Variants in MBD5 observed in about 807,000 individuals in gnomAD.
MBD5 encodes methyl-CpG-binding domain protein 5.
In MBD5, 13 loss-of-function variants were observed where a neutral mutation model predicts 117.3. That is an observed-to-expected ratio of 0.11 (90% CI 0.07 to 0.18). MBD5 has a LOEUF of 0.18. Among genes scored for constraint, MBD5 ranks in the 10% least tolerant of loss-of-function variants. The pLI, the probability that MBD5 is intolerant of heterozygous loss-of-function variation, is 1.00. For synonymous variants in MBD5, 727 were observed against 766.4 expected (o/e 0.95, Z 0.85); for missense variants, 1,879 against 2,093.8 (o/e 0.90, Z 2.00).
intron 1 of MBD5, among the ~76,000 whole-genome samples, chr2:148,022,474 A>G (rs955188335): frequency 6.6e-6 from 1 of 152,200 alleles, no homozygotes; most frequent in Non-Finnish European, 1.5e-5. Context: ...TATGATGAGA[A>G]TATTAGCTAT....
At chr2:148,321,305 A>T (rs949995593) in intron 3 of MBD5, among the ~76,000 whole-genome samples, 9 of 152,186 alleles carry the variant, frequency 5.9e-5, no homozygotes, top group African/African-American at 2.2e-4. Flanking sequence ...ATAGCTGATG[A>T]ACTAAAAAAA....
chr2:148,094,732 A>AT (rs1397155768), intron 1 of MBD5, among the ~76,000 whole-genome samples: 1 of 152,188 alleles, frequency 6.6e-6, no homozygotes, highest in Non-Finnish European at 1.5e-5. Context: ...TTAAAAACAA[A>AT]TCACAGTTAA....
At chr2:148,496,909 A>G (rs1681719289) in intron 11 of MBD5, among the ~76,000 whole-genome samples, 1 of 152,248 alleles carries the variant, frequency 6.6e-6, no homozygotes, top group Non-Finnish European at 1.5e-5. Flanking sequence ...GTTGGAAAAC[A>G]ATTAGGTTCA....
At position 148,363,729 on chromosome 2, in the gene MBD5, C is replaced by T. The variant is rs561414065; in HGVS notation, c.-557+21393C>T. Among the ~76,000 whole-genome samples, 19 of 151,188 alleles carry T rather than the reference C, an allele frequency of 1.3e-4. 1 individual carries two copies. The highest frequency in any genetic ancestry group is 1.0e-3 in the South Asian group (5 of 4,798). On this transcript the variant is annotated intron_variant, in intron 4 of 13. Coordinates refer to ENST00000642680, the MANE Select transcript of MBD5 (RefSeq NM_001378120.1). ...AGTATCAATAGCTGAATCAATCAAG[C>T]GGAAAAAAGGATATCAGAGATTGAA... is the stretch of plus-strand genomic sequence containing the variant.
At chr2:148,159,304 TTTGTTGTTG>T (rs529416379) in intron 1 of MBD5, among the ~76,000 whole-genome samples, 3 of 151,896 alleles carry the variant, frequency 2.0e-5, no homozygotes, top group Non-Finnish European at 2.9e-5. Context: ...TTATACTTGT[TTTGTTGTTG>T]TTGTTGTTGT....
intron 3 of MBD5, among the ~76,000 whole-genome samples, chr2:148,234,584 C>G (rs1322084495): frequency 1.3e-5 from 2 of 152,146 alleles, no homozygotes. Flanking sequence ...TATTATTATG[C>G]AGTCAACAGA....
At chr2:148,065,462 C>A (rs1274150064) in intron 1 of MBD5, among the ~76,000 whole-genome samples, 1 of 152,268 alleles carries the variant, frequency 6.6e-6, no homozygotes, top group East Asian at 1.9e-4. Flanking sequence ...TGTGAGCATG[C>A]TCTGTTGTGT....
chr2:148,309,344 T>C (rs1701971655), intron 3 of MBD5, among the ~76,000 whole-genome samples: 1 of 152,342 alleles, frequency 6.6e-6, no homozygotes, highest in East Asian at 1.9e-4. Context: ...CAGTGGTTTG[T>C]AATTCTCCCT....
rs182260414 is a variant in MBD5 at position 148,132,197 on chromosome 2, A to G, written c.-924-46503A>G. Among the ~76,000 whole-genome samples the G allele has an allele frequency of 8.8e-4, 134 of 152,144 alleles. 1 individual carries two copies. Among genetic ancestry groups the G allele is most frequent in the African/African-American group, 2.5e-3 (102 of 41,536 alleles). ...AAGTGTTTAATAAATAGTCAAAACT[A>G]TTGTTAGAGGATTACAAAAAGAGAG... On this transcript the variant is annotated intron_variant, in intron 1 of 13. Transcript: ENST00000642680.
intron 1 of MBD5, among the ~76,000 whole-genome samples, chr2:148,164,080 T>C (rs1698071975): frequency 6.6e-6 from 1 of 152,238 alleles, no homozygotes; most frequent in South Asian, 2.1e-4. Context: ...AGCACTTTCA[T>C]GTCATTGCAT....
chr2:148,276,590 CA>C (rs1701118933), intron 3 of MBD5, among the ~76,000 whole-genome samples: 1 of 152,090 alleles, frequency 6.6e-6, no homozygotes, highest in African/African-American at 2.4e-5. Context: ...TTGTGAAATT[CA>C]GAAAATTTAA....
At chr2:148,249,909 C>T (rs765709624) in intron 3 of MBD5, among the ~76,000 whole-genome samples, 1 of 152,126 alleles carries the variant, frequency 6.6e-6, no homozygotes, top group Non-Finnish European at 1.5e-5. Flanking sequence ...TCCGACAGTG[C>T]ACAGGATAAC....
chr2:148,226,590 T>C (rs1169566763), intron 2 of MBD5, among the ~76,000 whole-genome samples: 2 of 152,202 alleles, frequency 1.3e-5, no homozygotes, highest in African/African-American at 2.4e-5. Context: ...CATGTGTCTT[T>C]ATAGCAGCAT....
chr2:148,417,928 C>T (rs1235027748), intron 4 of MBD5, among the ~76,000 whole-genome samples: 1 of 151,956 alleles, frequency 6.6e-6, no homozygotes. Context: ...TGACCTCCGC[C>T]TCCTGGGCTC....
intron 4 of MBD5, among the ~76,000 whole-genome samples, chr2:148,382,039 A>C (rs988744561): frequency 1.3e-5 from 2 of 152,216 alleles, no homozygotes; most frequent in African/African-American, 4.8e-5. Flanking sequence ...GCTACGAAGA[A>C]ACTGCATCAA....
chr2:148,039,767 CTG>C (rs1237539625), intron 1 of MBD5, among the ~76,000 whole-genome samples: 1 of 152,020 alleles, frequency 6.6e-6, no homozygotes, highest in Non-Finnish European at 1.5e-5. Flanking sequence ...TAAGGAGTTG[CTG>C]TGTTTTAAGG....
At chr2:148,178,492 C>T (rs993040888) in intron 1 of MBD5, among the ~76,000 whole-genome samples, 50 of 152,252 alleles carry the variant, frequency 3.3e-4, no homozygotes, top group Non-Finnish European at 1.5e-4. Context: ...TCATAACTTA[C>T]GTTCCACAAA....
At chr2:148,088,599 C>A (rs1439983547) in intron 1 of MBD5, among the ~76,000 whole-genome samples, 1 of 152,092 alleles carries the variant, frequency 6.6e-6, no homozygotes, top group Non-Finnish European at 1.5e-5. Flanking sequence ...AATTTCATAT[C>A]CAGCAAAACT....
chr2:148,123,669 G>C (rs1265953318), intron 1 of MBD5, among the ~76,000 whole-genome samples: 1 of 152,184 alleles, frequency 6.6e-6, no homozygotes, highest in African/African-American at 2.4e-5. Context: ...ATTCATACAT[G>C]AGAGGTTAGG....
Sources: gnomAD v4.1 joint callset for allele counts (sites outside exome capture counted in the v4.1 genomes callset) on GRCh38, gnomAD v4.1.1 for gene constraint, MANE v1.5 for transcripts, NCBI Gene and HGNC (gene_info 2026-07-23, HGNC 2026-07-21) for gene names.